ZC3H12B: variants seen among roughly 807,000 people sequenced by gnomAD.
ZC3H12B encodes the protein zinc finger CCCH-type containing 12B.
ZC3H12B carries 7 observed loss-of-function variants against 43.9 expected under a neutral mutation model. The observed-to-expected ratio is 0.16, with a 90% CI of 0.09 to 0.30. The LOEUF (loss-of-function observed/expected upper bound fraction) is 0.30. Ranked by LOEUF, ZC3H12B falls within the 10% of genes least tolerant of loss-of-function variation. ZC3H12B has a pLI of 1.00. For synonymous variants in ZC3H12B, 222 were observed against 241.7 expected, an observed-to-expected ratio of 0.92 and a Z score of 0.76; for missense variants, 475 against 670.2, an observed-to-expected ratio of 0.71 and a Z score of 3.22.
At chrX:65,403,835 A>G (rs1440462764) in intron 3 of ZC3H12B, among the ~76,000 whole-genome samples, 1 of 111,881 alleles carries the variant, frequency 8.9e-6, no homozygotes, top group Non-Finnish European at 1.9e-5. Flanking sequence ...GGAGTACATC[A>G]ATCAGAAAGA....
At chrX:65,488,752 G>A (rs751982522) in exon 1 of ZC3H12B, 2 of 1,102,095 alleles carry the variant, frequency 1.8e-6, no homozygotes, top group African/African-American at 1.9e-5. Context: ...ATTCCAAGCA[G>A]GCTAAAAAGA....
At chrX:65,195,020 T>C in the ZC3H12B span, among the ~76,000 whole-genome samples, 2 of 111,451 alleles carry the variant, frequency 1.8e-5, no homozygotes, top group Admixed American at 1.9e-4. Context: ...GTATGGAATA[T>C]CTTTTTCCTT....
intron 3 of ZC3H12B, among the ~76,000 whole-genome samples, chrX:65,454,718 A>T (rs1015824999): frequency 3.2e-4 from 36 of 111,719 alleles, no homozygotes; most frequent in African/African-American, 1.1e-3. Context: ...CCTAACTGGG[A>T]GGCACACCCC....
the ZC3H12B span, among the ~76,000 whole-genome samples, chrX:65,269,183 A>C: frequency 2.7e-5 from 3 of 110,155 alleles, no homozygotes; most frequent in Non-Finnish European, 5.7e-5. Flanking sequence ...CATCTCTACT[A>C]AAAATACAAA....
At chrX:65,296,883 A>G in the ZC3H12B span, among the ~76,000 whole-genome samples, 2 of 111,816 alleles carry the variant, frequency 1.8e-5, no homozygotes, top group Non-Finnish European at 3.8e-5. Context: ...TACACTGCAT[A>G]AACATAATTA....
chrX:65,495,269 A>G (rs766614960), intron 1 of ZC3H12B, among the ~76,000 whole-genome samples: 75 of 112,655 alleles, frequency 6.7e-4, no homozygotes, highest in African/African-American at 1.9e-3. Flanking sequence ...TGATTAGCAT[A>G]TGCTTGGAAA....
At chrX:65,419,567 C>T (rs2066995693) in intron 3 of ZC3H12B, among the ~76,000 whole-genome samples, 1 of 111,321 alleles carries the variant, frequency 9.0e-6, no homozygotes, top group Non-Finnish European at 1.9e-5. Context: ...ATGACTGCTC[C>T]CCAAAGTCCA....
chrX:65,183,640 G>A, the ZC3H12B span, among the ~76,000 whole-genome samples: 1 of 111,738 alleles, frequency 8.9e-6, no homozygotes, highest in Admixed American at 9.6e-5. Flanking sequence ...TTATTGGTGA[G>A]ATACTTATCT....
At chrX:65,428,971 T>C (rs907734145) in intron 3 of ZC3H12B, among the ~76,000 whole-genome samples, 8 of 112,385 alleles carry the variant, frequency 7.1e-5, no homozygotes, top group Non-Finnish European at 1.1e-4. Context: ...TTATTTTCTG[T>C]TTGTTTTTGT....
chrX:65,225,665 C>G, the ZC3H12B span, among the ~76,000 whole-genome samples: 3 of 111,849 alleles, frequency 2.7e-5, no homozygotes, highest in Non-Finnish European at 5.6e-5. Context: ...ATAACCAATA[C>G]AGAGAAGTCC....
intron 3 of ZC3H12B, among the ~76,000 whole-genome samples, chrX:65,454,953 A>G (rs1209040540): frequency 2.7e-5 from 3 of 112,154 alleles, no homozygotes; most frequent in Non-Finnish European, 5.6e-5. Flanking sequence ...AACAGAAAGG[A>G]CATCCACACC....
chrX:65,064,278 T>C, the ZC3H12B span, among the ~76,000 whole-genome samples: 1 of 112,179 alleles, frequency 8.9e-6, no homozygotes, highest in African/African-American at 3.2e-5. Context: ...CAGTTTCTGA[T>C]GTGGGTATTT....
chrX:65,395,780 C>A (rs908942637), intron 2 of ZC3H12B, among the ~76,000 whole-genome samples: 1 of 111,731 alleles, frequency 9.0e-6, no homozygotes, highest in African/African-American at 3.3e-5. Context: ...CCTCTTTGTA[C>A]CTCTGGTAGA....
the ZC3H12B span, among the ~76,000 whole-genome samples, chrX:65,158,783 C>T: frequency 8.9e-6 from 1 of 111,733 alleles, no homozygotes; most frequent in South Asian, 3.7e-4. Flanking sequence ...TTAATTAGAT[C>T]CCATTTGTCA....
At chrX:65,244,335 A>G in the ZC3H12B span, among the ~76,000 whole-genome samples, 2 of 111,582 alleles carry the variant, frequency 1.8e-5, no homozygotes, top group East Asian at 5.6e-4. Flanking sequence ...AATGATAATG[A>G]AAAAATATCG....
At chrX:65,270,309 T>C in the ZC3H12B span, among the ~76,000 whole-genome samples, 1 of 111,718 alleles carries the variant, frequency 9.0e-6, no homozygotes, top group Non-Finnish European at 1.9e-5. Context: ...ATAAATGGTG[T>C]TGGGAAAACT....
At chrX:65,345,023 A>G in the ZC3H12B span, among the ~76,000 whole-genome samples, 1 of 112,181 alleles carries the variant, frequency 8.9e-6, no homozygotes, top group South Asian at 3.7e-4. Context: ...ACCAGTCAAA[A>G]TGGCTATTAA....
At chrX:65,504,686 G>A (rs2068408453) in exon 5 of ZC3H12B, 1 of 112,502 alleles carries the variant, frequency 8.9e-6, no homozygotes, top group African/African-American at 3.2e-5. Context: ...ACTCAAGGAG[G>A]GACTATTGGA....
chrX:65,125,543 TTGA>T, the ZC3H12B span, among the ~76,000 whole-genome samples: 117 of 111,761 alleles, frequency 1.0e-3, no homozygotes, highest in African/African-American at 3.7e-3. Context: ...ACTTTCTTTC[TTGA>T]TGACTTGTCT....
Sources: gnomAD v4.1 joint callset for allele counts (sites outside exome capture counted in the v4.1 genomes callset) on GRCh38, gnomAD v4.1.1 for gene constraint, MANE v1.5 for transcripts, NCBI Gene and HGNC (gene_info 2026-07-23, HGNC 2026-07-21) for gene names.